The following C8orf34 variants were observed in gnomAD, a reference collection of about 807,000 sequenced individuals.
The protein encoded by C8orf34 is uncharacterized protein C8orf34.
In C8orf34, 65 loss-of-function variants were observed where a neutral mutation model predicts 68.3. The ratio of observed to expected loss-of-function variants is 0.95; its 90% CI spans 0.78 to 1.17. The LOEUF (loss-of-function observed/expected upper bound fraction) is 1.17, where lower values mean the gene tolerates loss of function less well. C8orf34 is among the 50% of genes most tolerant of loss of function. The pLI, the probability that C8orf34 is intolerant of heterozygous loss-of-function variation, is 0.00. For synonymous variants in C8orf34, 244 were observed against 241.2 expected (o/e 1.01, Z -0.11); for missense variants, 664 against 655.4 (o/e 1.01, Z -0.14).
chr8:68,696,717 T>C lies in C8orf34; in HGVS notation c.1242-12277T>C, dbSNP rs115584203. 6.8e-3 allele frequency among the ~76,000 whole-genome samples: 1,031 copies of C among 152,264 alleles called. 17 individuals are homozygous for C. The highest frequency in any genetic ancestry group is 0.024 in the African/African-American group (978 of 41,590). On this transcript the variant is annotated intron_variant, in intron 8 of 13. Transcript: ENST00000518698. ...ACCAAGCTGCTACATAAAAAAGTTC[T>C]ACATCATTTACTTTTTCTCAAAATG...
chr8:68,750,268 C>T (rs188072894), intron 10 of C8orf34, among the ~76,000 whole-genome samples: 20 of 152,178 alleles, frequency 1.3e-4, no homozygotes, highest in East Asian at 9.7e-4. Context: ...GAACGTTATT[C>T]AGTCATAAGA....
At chr8:68,781,869 G>A (rs769776582) in intron 11 of C8orf34, among the ~76,000 whole-genome samples, 15 of 152,124 alleles carry the variant, frequency 9.9e-5, no homozygotes, top group African/African-American at 2.4e-4. Flanking sequence ...TAGGCAATTT[G>A]CATTAATTAG....
intron 1 of C8orf34, among the ~76,000 whole-genome samples, chr8:68,395,393 AC>A (rs1808660947): frequency 6.6e-6 from 1 of 151,366 alleles, no homozygotes; most frequent in African/African-American, 2.4e-5. Context: ...ACACACACAC[AC>A]ACAAACACAC....
At chr8:68,592,839 C>A (rs1032225217) in intron 7 of C8orf34, among the ~76,000 whole-genome samples, 1 of 151,910 alleles carries the variant, frequency 6.6e-6, no homozygotes, top group Non-Finnish European at 1.5e-5. Context: ...GAACTTCTGA[C>A]CTTGTGATTT....
At position 68,818,811 on chromosome 8, in the gene C8orf34, A is replaced by G. The variant is rs1480155340; in HGVS notation, c.*565A>G. On this transcript the variant is annotated 3_prime_UTR_variant, in exon 14 of 14. Coordinates refer to ENST00000518698, the MANE Select transcript of C8orf34 (RefSeq NM_052958.4). ...GATTATTTTCTCTATTCCTATTAAA[A>G]TGAATAATTGATATGTTAATTAAGT... 3 of 152,160 alleles carry G rather than the reference A, an allele frequency of 2.0e-5. No homozygotes were observed. Among genetic ancestry groups the G allele is most frequent in the Admixed American group, 6.5e-5 (1 of 15,270 alleles). 9.4% of individuals were successfully genotyped at this position (152,160 alleles called of 1,614,324 possible). A position where few individuals can be genotyped will look rare whatever the true frequency, so the allele number is the denominator to read the frequency against.
chr8:68,800,161 G>A (rs1339819799), intron 12 of C8orf34, among the ~76,000 whole-genome samples: 3 of 152,188 alleles, frequency 2.0e-5, no homozygotes, highest in Non-Finnish European at 4.4e-5. Flanking sequence ...GCATAGGGAA[G>A]AACTCTAATG....
chr8:68,413,515 T>C (rs573073595), intron 1 of C8orf34, among the ~76,000 whole-genome samples: 1 of 152,364 alleles, frequency 6.6e-6, no homozygotes, highest in African/African-American at 2.4e-5. Flanking sequence ...TCTATCTGGC[T>C]ACTTTACAGC....
chr8:68,552,194 C>G (rs1000632830), intron 7 of C8orf34, among the ~76,000 whole-genome samples: 1 of 152,068 alleles, frequency 6.6e-6, no homozygotes. Context: ...ATTTATTTCC[C>G]TTGCATTTCT....
At chr8:68,464,599 G>C (rs549036117) in intron 3 of C8orf34, among the ~76,000 whole-genome samples, 95 of 152,204 alleles carry the variant, frequency 6.2e-4, no homozygotes, top group Non-Finnish European at 9.1e-4. Flanking sequence ...TACCAAAACA[G>C]AGATATTGAT....
At chr8:68,520,752 C>T (rs1256314077) in intron 5 of C8orf34, among the ~76,000 whole-genome samples, 3 of 152,092 alleles carry the variant, frequency 2.0e-5, no homozygotes, top group South Asian at 2.1e-4. Context: ...CGTGAGCCAC[C>T]GCGCCCAGCC....
chr8:68,604,764 C>T (rs1817805219), intron 7 of C8orf34, among the ~76,000 whole-genome samples: 1 of 151,986 alleles, frequency 6.6e-6, no homozygotes, highest in African/African-American at 2.4e-5. Context: ...TAGAAAATAA[C>T]ATAGTAGAAA....
At chr8:68,785,302 A>T (rs563784043) in intron 11 of C8orf34, among the ~76,000 whole-genome samples, 2 of 152,300 alleles carry the variant, frequency 1.3e-5, no homozygotes, top group South Asian at 4.1e-4. Context: ...ATTCATACCG[A>T]CGTCTTTAAC....
intron 1 of C8orf34, among the ~76,000 whole-genome samples, chr8:68,383,537 G>A (rs1377628307): frequency 1.3e-5 from 2 of 152,190 alleles, no homozygotes; most frequent in East Asian, 1.9e-4. Context: ...AAGTATACTC[G>A]GGTCTAGAAT....
intron 1 of C8orf34, among the ~76,000 whole-genome samples, chr8:68,415,698 T>A (rs1809635893): frequency 6.6e-6 from 1 of 152,186 alleles, no homozygotes; most frequent in Non-Finnish European, 1.5e-5. Context: ...CTGAAAATTC[T>A]CCACCTCTCT....
At chr8:68,675,725 C>G (rs1820166776) in intron 8 of C8orf34, among the ~76,000 whole-genome samples, 1 of 152,084 alleles carries the variant, frequency 6.6e-6, no homozygotes, top group Non-Finnish European at 1.5e-5. Flanking sequence ...TAAAAAATAG[C>G]AGGAGTAAGT....
chr8:68,643,271 C>G (rs1819066726), intron 8 of C8orf34, among the ~76,000 whole-genome samples: 1 of 152,170 alleles, frequency 6.6e-6, no homozygotes, highest in African/African-American at 2.4e-5. Context: ...GTCATTGTCT[C>G]ACCTCTCTTT....
At chr8:68,675,913 GAGACCAAAAA>G (rs1820173489) in intron 8 of C8orf34, among the ~76,000 whole-genome samples, 1 of 152,072 alleles carries the variant, frequency 6.6e-6, no homozygotes, top group Non-Finnish European at 1.5e-5. Flanking sequence ...CATGCAAATG[GAGACCAAAAA>G]AGAGCAGGAG....
chr8:68,813,733 G>A (rs1376309790), intron 12 of C8orf34, among the ~76,000 whole-genome samples: 1 of 152,076 alleles, frequency 6.6e-6, no homozygotes, highest in Non-Finnish European at 1.5e-5. Context: ...TTGTTGTTCT[G>A]TTCTCATCCT....
At chr8:68,462,866 A>T (rs1811910170) in intron 3 of C8orf34, among the ~76,000 whole-genome samples, 1 of 152,166 alleles carries the variant, frequency 6.6e-6, no homozygotes, top group Admixed American at 6.5e-5. Flanking sequence ...ACACCCTAAC[A>T]TCACAATTAA....
Sources: allele counts gnomAD v4.1 joint callset (sites outside exome capture counted in the v4.1 genomes callset), GRCh38; gene constraint gnomAD v4.1.1; transcripts MANE v1.5; gene names NCBI Gene and HGNC (gene_info 2026-07-23, HGNC 2026-07-21).